Variants in CARS2 observed in about 807,000 individuals in gnomAD.
CARS2 encodes the protein cysteinyl-tRNA synthetase 2, mitochondrial.
CARS2 carries 52 observed loss-of-function variants against 68.8 expected under a neutral mutation model. The ratio of observed to expected loss-of-function variants is 0.76; its 90% CI spans 0.61 to 0.95. The LOEUF is 0.95. CARS2 is among the 40% of genes least tolerant of loss of function. CARS2 has a pLI of 0.00. For missense variants in CARS2, 780 were observed against 754.2 expected (o/e 1.03, Z -0.40); for synonymous variants, 314 against 303.6 (o/e 1.03, Z -0.36).
chr13:110,713,301 A>G (rs979586464), exon 1 of CARS2: 5 of 1,221,560 alleles, frequency 4.1e-6, no homozygotes, highest in South Asian at 2.6e-5. Flanking sequence ...GTTGCTGTGT[A>G]CCATGGTCTC....
At chr13:110,660,008 G>A (rs1459586517) in intron 9 of CARS2, among the ~76,000 whole-genome samples, 1 of 152,202 alleles carries the variant, frequency 6.6e-6, no homozygotes, top group East Asian at 1.9e-4. Context: ...CTCAAACCCT[G>A]CCATTGCTTT....
At position 110,653,678 on chromosome 13, in the gene CARS2, C is replaced by T. The variant is rs1053397242; in HGVS notation, c.988-2578G>A. Among the ~76,000 whole-genome samples the T allele has an allele frequency of 1.8e-4, 28 of 152,288 alleles. No homozygotes were observed. Among genetic ancestry groups the T allele is most frequent in the African/African-American group, 6.5e-4 (27 of 41,560 alleles). ...TAAAGGCTTATCTTCCCTGCTCTTG[C>T]GGGGGCGGGCGCTACTGCAGCGAGC... is the stretch of plus-strand genomic sequence containing the variant. On this transcript the variant is annotated intron_variant, in intron 9 of 14. Transcript: ENST00000257347. The surrounding 1 kb of genome is among the most constrained non-coding windows in gnomAD (Gnocchi z 5.6).
upstream of CARS2, among the ~76,000 whole-genome samples, chr13:110,710,391 A>C (rs1028251817): frequency 2.0e-5 from 3 of 152,218 alleles, no homozygotes; most frequent in African/African-American, 7.2e-5. Flanking sequence ...TCAAAAAAAG[A>C]AAAAGAATTA....
chr13:110,705,737 G>A lies in CARS2; in HGVS notation c.224+133C>T, dbSNP rs916366441. On this transcript the variant is annotated intron_variant, in intron 1 of 14. Coordinates refer to ENST00000257347, the MANE Select transcript of CARS2 (RefSeq NM_024537.4). This position sits in a 1 kb window ranked among gnomAD's most constrained non-coding sequence, Gnocchi z 4.0. ...ACACCCAAACCTGCAAAAGCACCGC[G>A]CACCCCCAGCTTCTAGAACGGCGCC... 2.0e-6 allele frequency: 3 copies of A among 1,534,286 alleles called. No individual in the cohort carries two copies. The highest frequency in any genetic ancestry group is 2.6e-6 in the Non-Finnish European group (3 of 1,141,526).
At chr13:110,690,013 G>A (rs2063411953) in intron 3 of CARS2, among the ~76,000 whole-genome samples, 1 of 152,148 alleles carries the variant, frequency 6.6e-6, no homozygotes, top group African/African-American at 2.4e-5. Context: ...CAGATCATGA[G>A]GTCAGGAGAT....
chr13:110,654,918 T>C (rs2062321666), intron 9 of CARS2, among the ~76,000 whole-genome samples: 1 of 92,308 alleles, frequency 1.1e-5, no homozygotes, highest in African/African-American at 5.1e-5. Context: ...CAAAACCCTC[T>C]CTCAAAAAAA....
At chr13:110,713,152 T>G (rs1490341394) in exon 1 of CARS2, 39 of 1,430,430 alleles carry the variant, frequency 2.7e-5, no homozygotes, top group Admixed American at 5.7e-5. Context: ...CCCCGCCTCC[T>G]CTTCATCGTG....
At chr13:110,648,693 T>C (rs61970544) in intron 10 of CARS2, 27,322 of 152,038 alleles carry the variant, frequency 0.18, 2,927 homozygotes, top group African/African-American at 0.3. Context: ...TTCCTAGAAA[T>C]CCCTCACTGG....
At chr13:110,652,486 G>C (rs2062243528) in intron 9 of CARS2, among the ~76,000 whole-genome samples, 1 of 152,222 alleles carries the variant, frequency 6.6e-6, no homozygotes, top group Non-Finnish European at 1.5e-5. Flanking sequence ...CCTGCTTCAG[G>C]CTTCAGCGGC....
chr13:110,679,051 G>T (rs75640397), intron 6 of CARS2, among the ~76,000 whole-genome samples: 12,818 of 42,500 alleles, frequency 0.3, 656 homozygotes, highest in East Asian at 0.42. Flanking sequence ...CATGTGAACA[G>T]ACAGAGGGGT....
intron 10 of CARS2, among the ~76,000 whole-genome samples, chr13:110,647,865 T>A (rs553389732): frequency 6.6e-6 from 1 of 152,380 alleles, no homozygotes; most frequent in Non-Finnish European, 1.5e-5. Context: ...AATGATCACA[T>A]ATCCTTGGAT....
At chr13:110,654,862 G>A (rs1231950962) in intron 9 of CARS2, among the ~76,000 whole-genome samples, 2 of 142,108 alleles carry the variant, frequency 1.4e-5, no homozygotes, top group Non-Finnish European at 3.0e-5. Flanking sequence ...GCTGCAGTGA[G>A]CTAGGACTGC....
chr13:110,647,018 C>T, intron 11 of CARS2, 83 bp downstream of exon 11: 17 of 1,446,882 alleles, frequency 1.2e-5, no homozygotes, highest in Non-Finnish European at 1.6e-5. Flanking sequence ...CCTGGGGGCC[C>T]CTCTTCCCCT....
intron 7 of CARS2, among the ~76,000 whole-genome samples, chr13:110,671,045 C>T (rs7988400): frequency 5.3e-5 from 8 of 152,034 alleles, no homozygotes; most frequent in South Asian, 2.1e-4. Context: ...ACAAAGCCTC[C>T]GAGAAATATG....
In CARS2 at chr13:110,647,162, G is replaced by A. The variant is rs79081036; in HGVS notation, c.1132C>T (p.Arg378Cys). The A allele has an allele frequency of 2.2e-3, 3,526 of 1,612,036 alleles. 82 individuals are homozygous for A. In the African/African-American group the frequency reaches 0.043, roughly 19 times the overall value. ...LGLGSFLEDA[R>C]AYMKGQLACG... Reference sequence around the variant, plus strand: ...GCCAGCTGCCCCTTCATGTAGGCACGTGCGTCCTCCAGGAAAGAGCCCAGC... The same window carrying A: ...GCCAGCTGCCCCTTCATGTAGGCACATGCGTCCTCCAGGAAAGAGCCCAGC... Residue 378 changes from arginine (R) to cysteine (C), a missense_variant, in exon 11 of 15, where the codon CGT (arginine) becomes TGT (cysteine). Transcript: ENST00000257347.
intron 3 of CARS2, among the ~76,000 whole-genome samples, chr13:110,694,329 T>C (rs1011721104): frequency 1.3e-5 from 2 of 150,694 alleles, no homozygotes; most frequent in African/African-American, 4.9e-5. Flanking sequence ...CCTGGCTTAA[T>C]GATTTTTCTT....
At chr13:110,642,124 C>A (rs1213178774) in intron 14 of CARS2, among the ~76,000 whole-genome samples, 191 bp downstream of exon 14, 1 of 152,208 alleles carries the variant, frequency 6.6e-6, no homozygotes, top group African/African-American at 2.4e-5. Flanking sequence ...TCGCTTGAAC[C>A]TGGGAGGCAG....
rs990082320 is a variant in CARS2, at chr13:110,705,227, G to A, written c.275+294C>T. On this transcript the variant is annotated intron_variant, in intron 2 of 14. Coordinates refer to ENST00000257347, the MANE Select transcript of CARS2 (RefSeq NM_024537.4). The surrounding 1 kb of genome is among the most constrained non-coding windows in gnomAD (Gnocchi z 4.0). ...GAATGACTGATCAGCAGGACCCCGG[G>A]ACCCCGCAAAGGCCTCTTGATGTCA... 1.3e-5 allele frequency among the ~76,000 whole-genome samples: 2 copies of A among 152,120 alleles called. No individual in the cohort carries two copies. Among genetic ancestry groups the A allele is most frequent in the Non-Finnish European group, 2.9e-5 (2 of 68,034 alleles).
chr13:110,643,984 T>A lies in CARS2; in HGVS notation c.1416+401A>T, dbSNP rs565854035. On this transcript the variant is annotated intron_variant, in intron 13 of 14. Transcript: ENST00000257347. ...CGTGCCTGTCGGGGAGCCCGTCCTG[T>A]CCGTACAAAACATGTGCCAGGCAAG... is the stretch of plus-strand genomic sequence containing the variant. 83 of 593,048 alleles carry A rather than the reference T, an allele frequency of 1.4e-4. No individual in the cohort carries two copies. The African/African-American group carries it at 1.5e-3, about 11-fold the overall frequency. 36.7% of individuals were successfully genotyped at this position (593,048 alleles called of 1,614,324 possible). A position where few individuals can be genotyped will look rare whatever the true frequency, so the allele number is the denominator to read the frequency against.
Sources: allele counts gnomAD v4.1 joint callset (sites outside exome capture counted in the v4.1 genomes callset), GRCh38; gene constraint gnomAD v4.1.1; non-coding constraint Gnocchi (gnomAD v3.1); transcripts MANE v1.5; gene names NCBI Gene and HGNC (gene_info 2026-07-23, HGNC 2026-07-21).